The following NAXD variants were observed in gnomAD, a reference collection of about 807,000 sequenced individuals.
The protein encoded by NAXD is NAD(P)HX dehydratase.
NAXD carries 22 observed loss-of-function variants against 35.8 expected under a neutral mutation model. The ratio of observed to expected loss-of-function variants is 0.62; its 90% CI spans 0.44 to 0.88. The LOEUF is 0.88. Among genes scored for constraint, NAXD ranks in the 40% least tolerant of loss-of-function variants. The pLI, the probability that NAXD is intolerant of heterozygous loss-of-function variation, is 0.00. For missense variants in NAXD, 428 were observed against 437.7 expected (o/e 0.98, Z 0.20); for synonymous variants, 189 against 177.6 (o/e 1.06, Z -0.51).
intron 5 of NAXD, among the ~76,000 whole-genome samples, chr13:110,632,796 CAG>C (rs1444269478): frequency 1.5e-4 from 23 of 151,414 alleles, no homozygotes; most frequent in Admixed American, 1.0e-3. Flanking sequence ...CAGCTAGATA[CAG>C]AGTGTCGATT....
intron 4 of NAXD, among the ~76,000 whole-genome samples, chr13:110,625,603 C>G (rs999299633): frequency 6.6e-6 from 1 of 152,232 alleles, no homozygotes; most frequent in Non-Finnish European, 1.5e-5. Context: ...ATAACAAGAC[C>G]CTTCCTGCAC....
At chr13:110,622,943 C>T (rs969903069) in intron 2 of NAXD, among the ~76,000 whole-genome samples, 1 of 152,094 alleles carries the variant, frequency 6.6e-6, no homozygotes, top group Admixed American at 6.6e-5. Context: ...CCATTTGCAG[C>T]TGTTGATCGT....
chr13:110,635,644 A>G (rs1398937355), intron 8 of NAXD, 56 bp downstream of exon 8: 11 of 1,596,910 alleles, frequency 6.9e-6, no homozygotes, highest in Non-Finnish European at 9.4e-6. Context: ...CAGCATGGCC[A>G]CACCGAGCAT....
chr13:110,621,313 T>C (rs529591957), intron 1 of NAXD, among the ~76,000 whole-genome samples: 1 of 152,356 alleles, frequency 6.6e-6, no homozygotes, highest in African/African-American at 2.4e-5. Context: ...TATTAAGTAA[T>C]AATGCATTTT....
chr13:110,619,286 A>C (rs1013312772), intron 1 of NAXD, among the ~76,000 whole-genome samples: 1 of 152,166 alleles, frequency 6.6e-6, no homozygotes, highest in African/African-American at 2.4e-5. Flanking sequence ...TAAGATACAG[A>C]TGTTTGTAAG....
At position 110,624,238 on chromosome 13, in the gene NAXD, A is replaced by T; in HGVS notation, c.202A>T (p.Thr68Ser). Residue 68 changes from threonine to serine, a missense_variant, in exon 3 of 10, where the codon ACT becomes TCT. Physicochemically the swap from Thr to Ser is moderately conservative, Grantham distance 58. This residue lies in a region of NAXD where 208 missense variants were observed against 193.0 expected (regional missense o/e 1.08). Transcript: ENST00000680254. The stretch of plus-strand genomic sequence containing the variant: ...CTCTAAATACCTTCTTTTTAGGTAC[A>T]CTGGAGCCCCATATTTTGCAGCAAT... ...IGVVGGCQEY[T>S]GAPYFAAISA... 1 of 1,606,278 alleles carries T rather than the reference A, an allele frequency of 6.2e-7. No individual in the cohort carries two copies.
intron 1 of NAXD, among the ~76,000 whole-genome samples, chr13:110,617,156 T>C (rs770430104): frequency 1.3e-5 from 2 of 152,250 alleles, no homozygotes; most frequent in Non-Finnish European, 2.9e-5. Flanking sequence ...TTAGGAAATA[T>C]TTCAGTTAAC....
intron 7 of NAXD, among the ~76,000 whole-genome samples, chr13:110,635,104 G>C (rs572158685): frequency 6.6e-6 from 1 of 152,288 alleles, no homozygotes; most frequent in East Asian, 1.9e-4. Flanking sequence ...ATGAGATGAG[G>C]AAACCTATGT....
At chr13:110,624,865 G>A (rs1886403234) in intron 3 of NAXD, among the ~76,000 whole-genome samples, 1 of 152,228 alleles carries the variant, frequency 6.6e-6, no homozygotes, top group Admixed American at 6.5e-5. Flanking sequence ...CGCTGATCCT[G>A]CAGTTTCCCA....
At chr13:110,630,864 TCTGTACAGCTGTC>T (rs1886672517) in intron 5 of NAXD, among the ~76,000 whole-genome samples, 1 of 152,332 alleles carries the variant, frequency 6.6e-6, no homozygotes, top group East Asian at 1.9e-4. Flanking sequence ...GTTTTGTTGA[TCTGTACAGCTGTC>T]CTGCAACTGC....
chr13:110,632,365 C>T (rs1267593212), intron 5 of NAXD, among the ~76,000 whole-genome samples: 1 of 152,184 alleles, frequency 6.6e-6, no homozygotes, highest in Admixed American at 6.5e-5. Flanking sequence ...AGATTTATTG[C>T]AAAGAGCGAA....
chr13:110,636,844 G>A (rs541413341), intron 8 of NAXD, among the ~76,000 whole-genome samples: 2 of 152,356 alleles, frequency 1.3e-5, no homozygotes, highest in East Asian at 1.9e-4. Flanking sequence ...CTCGTCTGAG[G>A]CGGTTCCGAG....
chr13:110,636,649 T>TC (rs1186843810), intron 8 of NAXD, among the ~76,000 whole-genome samples: 1 of 152,178 alleles, frequency 6.6e-6, no homozygotes, highest in Non-Finnish European at 1.5e-5. Flanking sequence ...AATAGAGAAT[T>TC]CCCATACACA....
At position 110,638,557 on chromosome 13, in the gene NAXD, C is replaced by T. The variant is rs1887033624; in HGVS notation, c.*29C>T. 3 of 1,610,226 alleles carry T rather than the reference C, an allele frequency of 1.9e-6. No individual in the cohort carries two copies. Among genetic ancestry groups the T allele is most frequent in the South Asian group, 1.1e-5 (1 of 91,028 alleles). On this transcript the variant is annotated 3_prime_UTR_variant, in exon 10 of 10. Transcript: ENST00000680254. The surrounding 1 kb of genome is among the most constrained non-coding windows in gnomAD (Gnocchi z 5.4). ...CGCGCAGACCAGAAGTAAACAGGCA[C>T]CTTGGACGGGGGAGAGCGTGTGTGT...
Position 110,624,584 on chromosome 13 carries a change from G to A in NAXD, c.243+305G>A, listed in dbSNP as rs371733678. On this transcript the variant is annotated intron_variant, in intron 3 of 9. Coordinates refer to ENST00000680254, the MANE Select transcript of NAXD (RefSeq NM_001242882.2). The stretch of plus-strand genomic sequence containing the variant: ...AGCGATTCTCCTGCCTCAGCCTCCC[G>A]AGTAGCTGGGATTACAGGCACCTGC... Among the ~76,000 whole-genome samples, 37 of 152,182 alleles carry A rather than the reference G, an allele frequency of 2.4e-4. 1 individual carries two copies. The highest frequency in any genetic ancestry group is 1.7e-3 in the East Asian group (9 of 5,172).
chr13:110,624,857 C>T (rs1477791875), intron 3 of NAXD, among the ~76,000 whole-genome samples: 1 of 152,236 alleles, frequency 6.6e-6, no homozygotes, highest in Non-Finnish European at 1.5e-5. Context: ...GCTGAAGCCG[C>T]TGATCCTGCA....
chr13:110,619,236 C>G (rs1000290229), intron 1 of NAXD, among the ~76,000 whole-genome samples: 5 of 152,100 alleles, frequency 3.3e-5, no homozygotes, highest in African/African-American at 9.7e-5. Flanking sequence ...TATTTCATAC[C>G]TCACCTATAG....
chr13:110,638,018 C>T lies in NAXD; in HGVS notation c.840-360C>T, dbSNP rs1303197029. ...ATGGAGCCCTGGTAGCAGGAATCCCCATTCTCAGACCTCAGATGCCCTCTG... is the reference window on the plus strand; with the variant it reads ...ATGGAGCCCTGGTAGCAGGAATCCCTATTCTCAGACCTCAGATGCCCTCTG... On this transcript the variant is annotated intron_variant, in intron 9 of 9. Coordinates refer to ENST00000680254, the MANE Select transcript of NAXD (RefSeq NM_001242882.2). The surrounding 1 kb of genome is among the most constrained non-coding windows in gnomAD (Gnocchi z 5.4). Among the ~76,000 whole-genome samples the T allele has an allele frequency of 6.6e-6, 1 of 152,186 alleles. No homozygotes were observed. The highest frequency in any genetic ancestry group is 2.4e-5 in the African/African-American group (1 of 41,440).
In NAXD at chr13:110,629,391, A is replaced by G. The variant is rs1172998420; in HGVS notation, c.441+1844A>G. Reference sequence around the variant, plus strand: ...CTTCAAGTATATTCATAGTTGTGCAACCATCACCATGATCAACCTTAGAAT... The same window carrying G: ...CTTCAAGTATATTCATAGTTGTGCAGCCATCACCATGATCAACCTTAGAAT... On this transcript the variant is annotated intron_variant, in intron 5 of 9. Transcript: ENST00000680254. 3.3e-5 allele frequency among the ~76,000 whole-genome samples: 5 copies of G among 152,346 alleles called. No homozygotes were observed. In the East Asian group the frequency reaches 7.7e-4, roughly 23 times the overall value.
Sources: allele counts gnomAD v4.1 joint callset (sites outside exome capture counted in the v4.1 genomes callset), GRCh38; gene constraint gnomAD v4.1.1; regional missense constraint gnomAD v4.1.1; non-coding constraint Gnocchi (gnomAD v3.1); transcripts MANE v1.5; gene names NCBI Gene and HGNC (gene_info 2026-07-23, HGNC 2026-07-21).